Variants in NEDD4 observed in about 807,000 individuals in gnomAD.
The protein encoded by NEDD4 is NEDD4 E3 ubiquitin protein ligase.
Under a neutral mutation model 144.9 loss-of-function variants are expected in NEDD4, and 99 were observed. The ratio of observed to expected loss-of-function variants is 0.68; its 90% CI spans 0.58 to 0.81. The LOEUF is 0.81. Among genes scored for constraint, NEDD4 ranks in the 30% least tolerant of loss-of-function variants. The pLI is 0.00. For missense variants in NEDD4, 985 were observed against 1,065.9 expected (o/e 0.92, Z 1.06); for synonymous variants, 318 against 350.6 (o/e 0.91, Z 1.04).
chr15:55,860,784 T>A lies in NEDD4; in HGVS notation c.675-6A>T, dbSNP rs965381254. Reference sequence around the variant, plus strand: ...CAGCATCTGTTAGGTTGTCCCTATATTGGAAGTATAAAAAGCCATCATCCA... The same window carrying A: ...CAGCATCTGTTAGGTTGTCCCTATAATGGAAGTATAAAAAGCCATCATCCA... On this transcript the variant is annotated splice_region_variant and splice_polypyrimidine_tract_variant and intron_variant, in intron 9 of 28. Transcript: ENST00000435532. 6 of 1,612,092 alleles carry A rather than the reference T, an allele frequency of 3.7e-6. No homozygotes were observed. The highest frequency in any genetic ancestry group is 4.2e-6 in the Non-Finnish European group (5 of 1,178,598).
chr15:55,902,480 AT>A (rs1340839031), intron 5 of NEDD4, among the ~76,000 whole-genome samples: 1 of 152,144 alleles, frequency 6.6e-6, no homozygotes, highest in Non-Finnish European at 1.5e-5. Flanking sequence ...TACAATATGT[AT>A]TTTTTAAAAA....
chr15:55,918,714 CCT>C (rs1309621710), intron 5 of NEDD4, among the ~76,000 whole-genome samples: 5 of 152,148 alleles, frequency 3.3e-5, no homozygotes, highest in African/African-American at 1.2e-4. Context: ...ATGAAACAGC[CCT>C]GTTTTTGAAT....
At chr15:55,913,592 A>G (rs1239393728) in intron 5 of NEDD4, among the ~76,000 whole-genome samples, 2 of 152,056 alleles carry the variant, frequency 1.3e-5, no homozygotes, top group African/African-American at 2.4e-5. Context: ...TTATAATCCA[A>G]TAATCTACCA....
intron 19 of NEDD4, among the ~76,000 whole-genome samples, chr15:55,841,397 C>T (rs2033495751): frequency 1.3e-5 from 2 of 152,190 alleles, no homozygotes; most frequent in South Asian, 4.2e-4. Context: ...ATGTGAGGTA[C>T]CCGAGGAGTC....
chr15:55,959,701 C>A (rs938646625), intron 2 of NEDD4, among the ~76,000 whole-genome samples: 2 of 152,176 alleles, frequency 1.3e-5, no homozygotes, highest in African/African-American at 4.8e-5. Context: ...AGCAAACTGG[C>A]AGCTTGTGAG....
chr15:55,984,428 A>C (rs1458805950), intron 1 of NEDD4, among the ~76,000 whole-genome samples: 1 of 152,218 alleles, frequency 6.6e-6, no homozygotes, highest in Non-Finnish European at 1.5e-5. Context: ...GATTACAGCT[A>C]AAGTATGAAA....
At chr15:55,898,608 T>C (rs1269371594) in intron 5 of NEDD4, among the ~76,000 whole-genome samples, 2 of 151,550 alleles carry the variant, frequency 1.3e-5, no homozygotes, top group Admixed American at 1.3e-4. Flanking sequence ...TATCTTCTGC[T>C]CTTTTGTATT....
rs1027636850 is a variant in NEDD4 at position 55,893,574 on chromosome 15, T to G, written c.292-19566A>C. On this transcript the variant is annotated intron_variant, in intron 5 of 28. Coordinates refer to ENST00000435532, the MANE Select transcript of NEDD4 (RefSeq NM_006154.4). ...GGAGTTTAAATTTCCATTCTATTTA[T>G]AAGACATTTAATTTTTTTTTATTTG... Among the ~76,000 whole-genome samples, 19 of 151,774 alleles carry G rather than the reference T, an allele frequency of 1.3e-4. 1 individual carries two copies. Among genetic ancestry groups the G allele is most frequent in the African/African-American group, 4.4e-4 (18 of 41,342 alleles).
intron 4 of NEDD4, among the ~76,000 whole-genome samples, chr15:55,926,069 T>C (rs897055417): frequency 2.6e-5 from 4 of 151,950 alleles, no homozygotes; most frequent in Non-Finnish European, 5.9e-5. Flanking sequence ...TACATATACG[T>C]ATGTAAAAAT....
rs571488177 is a variant in NEDD4, at chr15:55,950,181, T to C, written c.237+1195A>G. 2.0e-5 allele frequency among the ~76,000 whole-genome samples: 3 copies of C among 152,256 alleles called. No individual in the cohort carries two copies. In the South Asian group the frequency reaches 6.2e-4, roughly 32 times the overall value. ...AGCTTCATTTTTCTTCATTTGACGA[T>C]CCAATTGATTCAATACCATTTCCTC... On this transcript the variant is annotated intron_variant, in intron 4 of 28. Transcript: ENST00000435532.
At chr15:55,914,232 T>C (rs556554933) in intron 5 of NEDD4, among the ~76,000 whole-genome samples, 1 of 150,954 alleles carries the variant, frequency 6.6e-6, no homozygotes, top group African/African-American at 2.4e-5. Flanking sequence ...TTAATAAACA[T>C]AATGGATGTT....
At chr15:55,849,087 A>G (rs970488069) in intron 14 of NEDD4, among the ~76,000 whole-genome samples, 1 of 152,232 alleles carries the variant, frequency 6.6e-6, no homozygotes, top group African/African-American at 2.4e-5. Context: ...ATCAAAAGGA[A>G]TAACGATCAG....
chr15:55,949,515 A>G (rs369731702), intron 4 of NEDD4, among the ~76,000 whole-genome samples: 2 of 152,206 alleles, frequency 1.3e-5, no homozygotes, highest in Non-Finnish European at 2.9e-5. Flanking sequence ...TGTTTATTGC[A>G]GCACTATTCA....
chr15:55,988,094 A>G (rs1178087789), intron 1 of NEDD4: 2 of 148,768 alleles, frequency 1.3e-5, no homozygotes, highest in Non-Finnish European at 3.0e-5. Context: ...ACAATGATAG[A>G]CTGGATTAAG....
At chr15:55,979,032 T>C (rs2037751900) in intron 1 of NEDD4, among the ~76,000 whole-genome samples, 1 of 151,648 alleles carries the variant, frequency 6.6e-6, no homozygotes, top group African/African-American at 2.4e-5. Context: ...CTCCCATTCC[T>C]CTGTTGTCCC....
At chr15:55,834,333 C>CT in intron 24 of NEDD4, 47 bp from the exon 25 acceptor site, 2 of 1,219,940 alleles carry the variant, frequency 1.6e-6, no homozygotes, top group Non-Finnish European at 2.4e-6. Flanking sequence ...GGCCAATGGC[C>CT]TTTCCTATGC....
chr15:55,858,406 A>G lies in NEDD4; in HGVS notation c.960+2001T>C, dbSNP rs533742003. 2.1e-4 allele frequency among the ~76,000 whole-genome samples: 32 copies of G among 152,192 alleles called. No homozygotes were observed. The South Asian group carries it at 5.8e-3, about 28-fold the overall frequency. ...ACTGCAACCTCTGCCTCTTGGGTTC[A>G]AGCCATTCTTCCAATCTCAGCCTCC... On this transcript the variant is annotated intron_variant, in intron 11 of 28. Coordinates refer to ENST00000435532, the MANE Select transcript of NEDD4 (RefSeq NM_006154.4).
chr15:55,918,496 A>G (rs562423390), intron 5 of NEDD4, among the ~76,000 whole-genome samples: 16 of 152,288 alleles, frequency 1.1e-4, no homozygotes, highest in African/African-American at 3.4e-4. Flanking sequence ...TGTTTATACC[A>G]CATGCTACTA....
chr15:55,932,223 C>T (rs2036795056), intron 4 of NEDD4, among the ~76,000 whole-genome samples: 1 of 152,046 alleles, frequency 6.6e-6, no homozygotes, highest in African/African-American at 2.4e-5. Flanking sequence ...CAATCCTAAG[C>T]CAAAAGAACA....
Sources: allele counts gnomAD v4.1 joint callset (sites outside exome capture counted in the v4.1 genomes callset), GRCh38; gene constraint gnomAD v4.1.1; transcripts MANE v1.5; gene names NCBI Gene and HGNC (gene_info 2026-07-23, HGNC 2026-07-21).